The following ASNS variants were observed in gnomAD, a reference collection of about 807,000 sequenced individuals.
ASNS encodes asparagine synthetase (glutamine-hydrolyzing).
In ASNS, 37 loss-of-function variants were observed where a neutral mutation model predicts 62.6. The observed-to-expected ratio is 0.59, with a 90% CI of 0.45 to 0.78. The LOEUF (loss-of-function observed/expected upper bound fraction) is 0.78. Among genes scored for constraint, ASNS ranks in the 30% least tolerant of loss-of-function variants. The probability of loss-of-function intolerance (pLI) is 0.00; values close to 1 mark genes in which losing one functional copy is unlikely to be tolerated. For missense variants in ASNS, 520 were observed against 682.4 expected (o/e 0.76, Z 2.65); for synonymous variants, 207 against 237.9 (o/e 0.87, Z 1.19).
chr7:97,856,590 A>G, intron 8 of ASNS, 100 bp downstream of exon 8: 4 of 1,113,518 alleles, frequency 3.6e-6, no homozygotes, highest in Non-Finnish European at 5.0e-6. Flanking sequence ...TCATCCTTAA[A>G]TAACATTTTA....
chr7:97,899,592 T>C, the ASNS span, among the ~76,000 whole-genome samples: 1 of 152,254 alleles, frequency 6.6e-6, no homozygotes, highest in African/African-American at 2.4e-5. Flanking sequence ...TCATACGCTT[T>C]AGCTAACACC....
the ASNS span, among the ~76,000 whole-genome samples, chr7:97,896,666 GTA>G: frequency 2.7e-5 from 3 of 111,192 alleles, no homozygotes; most frequent in South Asian, 2.9e-4. Context: ...ACGTATATAT[GTA>G]TATGTGTGTG....
At chr7:97,852,748 T>TA (rs1266579885) in intron 12 of ASNS, among the ~76,000 whole-genome samples, 1 of 152,322 alleles carries the variant, frequency 6.6e-6, no homozygotes, top group South Asian at 2.1e-4. Context: ...AAAAATCTGA[T>TA]AAATGAAAAT....
chr7:97,869,249 C>G (rs1792135053), intron 2 of ASNS, 70 bp from the exon 3 acceptor site: 1 of 1,518,926 alleles, frequency 6.6e-7, no homozygotes. Context: ...AATCTTGATT[C>G]CGGAAACGTG....
At chr7:97,873,248 T>A (rs1442668963), upstream of ASNS, among the ~76,000 whole-genome samples, 1 of 152,226 alleles carries the variant, frequency 6.6e-6, no homozygotes, top group East Asian at 1.9e-4. Flanking sequence ...TCACGATTTT[T>A]AAAAAGTATC....
chr7:97,906,411 G>A, the ASNS span: 2 of 276,344 alleles, frequency 7.2e-6, no homozygotes, highest in East Asian at 2.4e-4. Flanking sequence ...TCCAACCCAT[G>A]TCCCCAGTGC....
At chr7:97,904,478 T>C in the ASNS span, among the ~76,000 whole-genome samples, 4 of 152,110 alleles carry the variant, frequency 2.6e-5, no homozygotes, top group Non-Finnish European at 5.9e-5. Context: ...CCATCAAACT[T>C]GCCCTAAGAC....
chr7:97,904,568 T>G, the ASNS span, among the ~76,000 whole-genome samples: 1 of 152,030 alleles, frequency 6.6e-6, no homozygotes, highest in African/African-American at 2.4e-5. Context: ...AGTCTTGTAC[T>G]AAGAATTAAA....
the ASNS span, among the ~76,000 whole-genome samples, chr7:97,901,968 A>G: frequency 6.6e-6 from 1 of 151,704 alleles, no homozygotes; most frequent in Non-Finnish European, 1.5e-5. Context: ...ATAAAGCAAG[A>G]CTGTCTCAAA....
chr7:97,904,600 C>T, the ASNS span, among the ~76,000 whole-genome samples: 1 of 152,064 alleles, frequency 6.6e-6, no homozygotes, highest in Admixed American at 6.6e-5. Flanking sequence ...AGAAGTCTAA[C>T]ATTGCACCTC....
At chr7:97,928,295 G>A in the ASNS span, 12 of 1,497,238 alleles carry the variant, frequency 8.0e-6, no homozygotes, top group Non-Finnish European at 1.1e-5. Flanking sequence ...CGGAAGGGCT[G>A]GCCATGGCTC....
chr7:97,887,592 A>T, the ASNS span, among the ~76,000 whole-genome samples: 1 of 152,230 alleles, frequency 6.6e-6, no homozygotes, highest in African/African-American at 2.4e-5. Flanking sequence ...TGCTATCACC[A>T]TGAGAACAAG....
the ASNS span, among the ~76,000 whole-genome samples, chr7:97,922,865 G>T: frequency 6.6e-6 from 1 of 152,108 alleles, no homozygotes; most frequent in African/African-American, 2.4e-5. Context: ...GATCTCGGCT[G>T]ACTGCAACCT....
At chr7:97,860,443 C>G (rs1299285655) in intron 4 of ASNS, among the ~76,000 whole-genome samples, 2 of 152,168 alleles carry the variant, frequency 1.3e-5, no homozygotes, top group Non-Finnish European at 2.9e-5. Flanking sequence ...CTGCTTTTCC[C>G]CAGTGTTCTC....
chr7:97,859,909 A>C (rs1330858570), intron 4 of ASNS, among the ~76,000 whole-genome samples: 1 of 152,232 alleles, frequency 6.6e-6, no homozygotes, highest in Non-Finnish European at 1.5e-5. Context: ...TCTATCCCTT[A>C]ACTAGTTGTT....
the ASNS span, among the ~76,000 whole-genome samples, chr7:97,912,423 C>T: frequency 6.6e-6 from 1 of 152,092 alleles, no homozygotes; most frequent in African/African-American, 2.4e-5. Context: ...GTGGCTCCCC[C>T]ATTTAAGACC....
chr7:97,928,164 G>A, the ASNS span: 2 of 1,530,756 alleles, frequency 1.3e-6, no homozygotes, highest in Non-Finnish European at 8.7e-7. Flanking sequence ...GCAGTCCTGG[G>A]GCTGTGCGCT....
rs2237289 is a variant in ASNS, at chr7:97,858,034, A to T, written c.903+244T>A. Among the ~76,000 whole-genome samples the T allele has an allele frequency of 2.0e-4, 30 of 152,078 alleles. 1 individual carries two copies. Among genetic ancestry groups the T allele is most frequent in the Middle Eastern group, 3.4e-3 (1 of 292 alleles). On this transcript the variant is annotated intron_variant, in intron 7 of 12. Transcript: ENST00000394308. The stretch of plus-strand genomic sequence containing the variant: ...CAGACACCTTTACTTTCAAAAGAGC[A>T]TACTTATCATCATAGGGTCTTTGTG...
the ASNS span, among the ~76,000 whole-genome samples, chr7:97,900,897 C>T: frequency 6.6e-6 from 1 of 151,986 alleles, no homozygotes; most frequent in Non-Finnish European, 1.5e-5. Context: ...ACTGACTTTC[C>T]TGTACTTGTT....
Sources: gnomAD v4.1 joint callset for allele counts (sites outside exome capture counted in the v4.1 genomes callset) on GRCh38, gnomAD v4.1.1 for gene constraint, MANE v1.5 for transcripts, NCBI Gene and HGNC (gene_info 2026-07-23, HGNC 2026-07-21) for gene names.